Variants in TRDN observed in about 807,000 individuals in gnomAD.
TRDN encodes triadin.
A neutral mutation model predicts 149.7 loss-of-function variants in TRDN; 161 were observed. The observed-to-expected ratio is 1.08, with a 90% CI of 0.95 to 1.23. The LOEUF (loss-of-function observed/expected upper bound fraction) is 1.23. Among genes scored for constraint, TRDN ranks in the 50% most tolerant of loss-of-function variants. TRDN has a pLI of 0.00. For synonymous variants in TRDN, 294 were observed against 250.5 expected (o/e 1.17, Z -1.64); for missense variants, 896 against 823.5 (o/e 1.09, Z -1.08).
chr6:123,402,292 C>A (rs546487802), intron 12 of TRDN, among the ~76,000 whole-genome samples: 1 of 152,258 alleles, frequency 6.6e-6, no homozygotes, highest in East Asian at 1.9e-4. Context: ...TCACAGGCAG[C>A]CAACTGATCA....
chr6:123,537,470 T>G (rs1368434441), intron 4 of TRDN, among the ~76,000 whole-genome samples: 6 of 152,190 alleles, frequency 3.9e-5, no homozygotes, highest in Admixed American at 3.9e-4. Context: ...TCTCATGACG[T>G]GTGCTGAATG....
At chr6:123,446,733 T>C (rs1775400206) in intron 10 of TRDN, among the ~76,000 whole-genome samples, 1 of 152,138 alleles carries the variant, frequency 6.6e-6, no homozygotes, top group Non-Finnish European at 1.5e-5. Flanking sequence ...TCCATTTCCC[T>C]GTGAGTAACA....
Position 123,582,821 on chromosome 6 carries a change from G to GAGAT in TRDN, c.23-11693_23-11690dup, listed in dbSNP as rs1211137451. ...CAAAAATTTTGGGGGATGGTATGGA[G>GAGAT]AGATAATGGGCGATGTTTCTCAGGG... On this transcript the variant is annotated intron_variant, in intron 1 of 40. Coordinates refer to ENST00000334268, the MANE Select transcript of TRDN (RefSeq NM_006073.4). Among the ~76,000 whole-genome samples the GAGAT allele has an allele frequency of 1.0e-4, 15 of 150,042 alleles. No homozygotes were observed. The Admixed American group carries it at 1.0e-3, about 10-fold the overall frequency.
At chr6:123,460,230 A>G (rs1342300676) in intron 10 of TRDN, among the ~76,000 whole-genome samples, 4 of 152,206 alleles carry the variant, frequency 2.6e-5, no homozygotes, top group African/African-American at 9.6e-5. Context: ...TTGAAAAATT[A>G]TATTAGAGTT....
At chr6:123,626,604 C>G (rs2114727707) in intron 1 of TRDN, among the ~76,000 whole-genome samples, 1 of 152,306 alleles carries the variant, frequency 6.6e-6, no homozygotes, top group Non-Finnish European at 1.5e-5. Context: ...GCTTCCTCCA[C>G]TGATGTCTTG....
At chr6:123,517,363 T>A (rs1185639824) in intron 5 of TRDN, among the ~76,000 whole-genome samples, 3 of 152,106 alleles carry the variant, frequency 2.0e-5, no homozygotes, top group Non-Finnish European at 2.9e-5. Context: ...CATAATATTA[T>A]AATACCCTGA....
At chr6:123,509,471 G>A (rs1363706732) in intron 7 of TRDN, 4 of 152,068 alleles carry the variant, frequency 2.6e-5, no homozygotes, top group Admixed American at 6.6e-5. Context: ...CTGTCATGTT[G>A]ATGAGACTCA....
At chr6:123,336,413 T>C (rs1224368739) in intron 22 of TRDN, among the ~76,000 whole-genome samples, 5 of 152,006 alleles carry the variant, frequency 3.3e-5, no homozygotes, top group African/African-American at 9.7e-5. Flanking sequence ...AAAGAGTAGA[T>C]GCACCACTTT....
At chr6:123,528,732 G>T (rs745961435) in intron 5 of TRDN, 48 of 986,826 alleles carry the variant, frequency 4.9e-5, no homozygotes, top group Non-Finnish European at 5.5e-5. Context: ...TAAAGAGCAG[G>T]CATTAGTCTA....
chr6:123,459,641 C>T (rs1195236078), intron 10 of TRDN, among the ~76,000 whole-genome samples: 2 of 152,154 alleles, frequency 1.3e-5, no homozygotes, highest in African/African-American at 4.8e-5. Flanking sequence ...TTTAATCACT[C>T]ATGCAAGTGT....
chr6:123,603,995 A>G (rs1057513084), intron 1 of TRDN, among the ~76,000 whole-genome samples: 1 of 152,098 alleles, frequency 6.6e-6, no homozygotes, highest in Non-Finnish European at 1.5e-5. Context: ...ATCAAAAGGA[A>G]TAACATTATA....
Position 123,218,733 on chromosome 6 carries a change from G to T in TRDN, c.2058C>A (p.Ile686=), listed in dbSNP as rs761962307. The T allele has an allele frequency of 1.9e-6, 3 of 1,570,328 alleles. No individual in the cohort carries two copies. The South Asian group carries it at 3.5e-5, about 18-fold the overall frequency. The change falls in exon 41 of 41, where the codon ATC becomes ATA. Residue 686 remains isoleucine, a synonymous_variant. Coordinates refer to ENST00000334268, the MANE Select transcript of TRDN (RefSeq NM_006073.4). ...CCAAGTAGACACACTGGAAGAAACTGATGGGACCTAAGGAACAGAGCATGA... is the reference window on the plus strand; with the variant it reads ...CCAAGTAGACACACTGGAAGAAACTTATGGGACCTAAGGAACAGAGCATGA... The part of the protein sequence containing the change: ...DVSPTKQKSP[I]SFFQCVYLDG...
At chr6:123,586,588 C>A (rs562833615) in intron 1 of TRDN, among the ~76,000 whole-genome samples, 1 of 152,066 alleles carries the variant, frequency 6.6e-6, no homozygotes, top group African/African-American at 2.4e-5. Context: ...TTGAAAGTGC[C>A]GTTTTCTGGC....
At position 123,565,290 on chromosome 6, in the gene TRDN, A is replaced by G. The variant is rs544514170; in HGVS notation, c.232+5633T>C. Among the ~76,000 whole-genome samples the G allele has an allele frequency of 4.6e-5, 7 of 152,238 alleles. No homozygotes were observed. The South Asian group carries it at 6.2e-4, about 14-fold the overall frequency. Reference sequence around the variant, plus strand: ...TTCTAAGCCTCTAGCCTCAATTACTAAGAGAGCAACGTTTCTCTGTCCTCC... The same window carrying G: ...TTCTAAGCCTCTAGCCTCAATTACTGAGAGAGCAACGTTTCTCTGTCCTCC... On this transcript the variant is annotated intron_variant, in intron 2 of 40. Coordinates refer to ENST00000334268, the MANE Select transcript of TRDN (RefSeq NM_006073.4).
At chr6:123,410,993 C>G (rs1251419891) in intron 12 of TRDN, among the ~76,000 whole-genome samples, 1 of 150,950 alleles carries the variant, frequency 6.6e-6, no homozygotes, top group Non-Finnish European at 1.5e-5. Flanking sequence ...CAGAAGAGTG[C>G]CTGGTGTGTA....
At chr6:123,614,288 T>TAAAAAA (rs1216969453) in intron 1 of TRDN, among the ~76,000 whole-genome samples, 4 of 59,322 alleles carry the variant, frequency 6.7e-5, no homozygotes, top group Non-Finnish European at 7.1e-5. Flanking sequence ...AGTGCTTCAT[T>TAAAAAA]AAAAAAAAAA....
chr6:123,286,889 G>A (rs1254150400), intron 24 of TRDN, among the ~76,000 whole-genome samples: 2 of 151,950 alleles, frequency 1.3e-5, no homozygotes, highest in African/African-American at 4.8e-5. Context: ...TAGCTACTTG[G>A]ACTCCATTCC....
chr6:123,374,257 A>AT (rs10715142), intron 19 of TRDN, among the ~76,000 whole-genome samples: 14 of 151,616 alleles, frequency 9.2e-5, no homozygotes, highest in South Asian at 4.2e-4. Flanking sequence ...GAACTTACAG[A>AT]TTTTTTTTTA....
chr6:123,348,678 G>A (rs1290979940), intron 21 of TRDN, among the ~76,000 whole-genome samples: 1 of 152,026 alleles, frequency 6.6e-6, no homozygotes, highest in African/African-American at 2.4e-5. Flanking sequence ...ATTCTTAAGG[G>A]AAAAAGAGAT....
Sources: gnomAD v4.1 joint callset for allele counts (sites outside exome capture counted in the v4.1 genomes callset) on GRCh38, gnomAD v4.1.1 for gene constraint, MANE v1.5 for transcripts, NCBI Gene and HGNC (gene_info 2026-07-23, HGNC 2026-07-21) for gene names.